CPEB3: variants seen among roughly 807,000 people sequenced by gnomAD.
CPEB3 encodes the protein cytoplasmic polyadenylation element binding protein 3.
Under a neutral mutation model 67.2 loss-of-function variants are expected in CPEB3, and 20 were observed. The ratio of observed to expected loss-of-function variants is 0.30; its 90% CI spans 0.21 to 0.43. The LOEUF (loss-of-function observed/expected upper bound fraction) is 0.43, where lower values mean the gene tolerates loss of function less well. CPEB3 is among the 20% of genes least tolerant of loss of function. The probability of loss-of-function intolerance (pLI) is 1.00; values close to 1 mark genes in which losing one functional copy is unlikely to be tolerated. For missense variants in CPEB3, 746 were observed against 968.6 expected (o/e 0.77, Z 3.05); for synonymous variants, 376 against 393.1 (o/e 0.96, Z 0.51).
chr10:92,116,124 G>A (rs1195683408), intron 6 of CPEB3, among the ~76,000 whole-genome samples: 1 of 150,940 alleles, frequency 6.6e-6, no homozygotes, highest in Admixed American at 6.6e-5. Context: ...TATGTCCAAG[G>A]CATAAGGAAC....
intron 6 of CPEB3, among the ~76,000 whole-genome samples, chr10:92,116,793 C>A (rs1378718113): frequency 5.3e-5 from 8 of 152,164 alleles, no homozygotes; most frequent in African/African-American, 1.9e-4. Context: ...GTCACCAACA[C>A]AACCCTGAGT....
chr10:92,144,343 C>A (rs777903703), intron 5 of CPEB3, among the ~76,000 whole-genome samples: 1 of 152,240 alleles, frequency 6.6e-6, no homozygotes, highest in African/African-American at 2.4e-5. Context: ...ATGATCATAG[C>A]TCACTGTAAC....
chr10:92,203,694 T>C (rs1211532019), intron 2 of CPEB3, among the ~76,000 whole-genome samples: 2 of 151,894 alleles, frequency 1.3e-5, no homozygotes, highest in African/African-American at 2.4e-5. Flanking sequence ...AGTGCTGGGA[T>C]TGCAGACATG....
chr10:92,154,303 G>A (rs1847103518), intron 4 of CPEB3, among the ~76,000 whole-genome samples: 1 of 152,086 alleles, frequency 6.6e-6, no homozygotes, highest in African/African-American at 2.4e-5. Context: ...TTTGTCTACT[G>A]GAACAAATTC....
At chr10:92,080,530 AGAG>A (rs1416409464) in intron 9 of CPEB3, among the ~76,000 whole-genome samples, 1 of 152,172 alleles carries the variant, frequency 6.6e-6, no homozygotes, top group Non-Finnish European at 1.5e-5. Flanking sequence ...AATGAGTTGA[AGAG>A]GAGACTGAAG....
intron 4 of CPEB3, among the ~76,000 whole-genome samples, chr10:92,158,522 C>A (rs1847313956): frequency 6.6e-6 from 1 of 152,192 alleles, no homozygotes; most frequent in South Asian, 2.1e-4. Context: ...CCCCCAAACA[C>A]ACACACACTC....
chr10:92,250,858 A>ATTTTTTTTTTTTTTT (rs1211646953), intron 1 of CPEB3, among the ~76,000 whole-genome samples: 10 of 104,122 alleles, frequency 9.6e-5, no homozygotes, highest in Non-Finnish European at 1.5e-4. Context: ...CACACAGTTA[A>ATTTTTTTTTTTTTTT]TTTTTTTTTT....
At chr10:92,247,452 C>T (rs1311371109) in intron 1 of CPEB3, among the ~76,000 whole-genome samples, 4 of 152,110 alleles carry the variant, frequency 2.6e-5, no homozygotes, top group Non-Finnish European at 5.9e-5. Flanking sequence ...GGCTGGAGTG[C>T]AGTGGCGCGA....
At chr10:92,066,031 G>A (rs1842534599) in intron 9 of CPEB3, among the ~76,000 whole-genome samples, 1 of 151,852 alleles carries the variant, frequency 6.6e-6, no homozygotes, top group Non-Finnish European at 1.5e-5. Flanking sequence ...TGGAAGGCAG[G>A]AGTTGCTGTG....
intron 4 of CPEB3, among the ~76,000 whole-genome samples, chr10:92,155,740 A>G (rs1038966893): frequency 5.3e-5 from 8 of 152,190 alleles, no homozygotes; most frequent in Non-Finnish European, 1.2e-4. Context: ...GACCAAGAGC[A>G]GGGACCAAGT....
intron 6 of CPEB3, among the ~76,000 whole-genome samples, chr10:92,139,947 C>T (rs1167546886): frequency 1.3e-5 from 2 of 151,892 alleles, no homozygotes; most frequent in Non-Finnish European, 2.9e-5. Context: ...GTGGCACAAG[C>T]CTGTAGTCCC....
At chr10:92,164,688 G>A (rs917934084) in intron 4 of CPEB3, among the ~76,000 whole-genome samples, 6 of 152,104 alleles carry the variant, frequency 3.9e-5, no homozygotes, top group Non-Finnish European at 7.3e-5. Context: ...CCATTCACCA[G>A]TCGGTAAACA....
At chr10:92,142,616 C>T (rs1333573636) in intron 6 of CPEB3, among the ~76,000 whole-genome samples, 1 of 152,196 alleles carries the variant, frequency 6.6e-6, no homozygotes, top group South Asian at 2.1e-4. Context: ...CAATGCCATT[C>T]TTTAGCCACT....
intron 1 of CPEB3, among the ~76,000 whole-genome samples, chr10:92,280,838 T>C (rs1227763984): frequency 6.9e-6 from 1 of 145,128 alleles, no homozygotes; most frequent in East Asian, 2.8e-4. Flanking sequence ...CAGCTCACTG[T>C]AACCCCCGCC....
intron 3 of CPEB3, among the ~76,000 whole-genome samples, chr10:92,182,583 TG>T (rs1848505648): frequency 6.6e-6 from 1 of 152,124 alleles, no homozygotes; most frequent in African/African-American, 2.4e-5. Flanking sequence ...CCCAGCACTT[TG>T]GGAAGCCGAG....
chr10:92,270,900 G>C (rs549166071), intron 1 of CPEB3, among the ~76,000 whole-genome samples: 2 of 152,244 alleles, frequency 1.3e-5, no homozygotes, highest in East Asian at 1.9e-4. Flanking sequence ...CTTTTGGCCA[G>C]GCATGATGGT....
At chr10:92,168,631 A>T (rs948094394) in intron 4 of CPEB3, among the ~76,000 whole-genome samples, 1 of 151,814 alleles carries the variant, frequency 6.6e-6, no homozygotes, top group African/African-American at 2.4e-5. Context: ...TTCTCACGAG[A>T]TCTGATGGTT....
intron 1 of CPEB3, among the ~76,000 whole-genome samples, chr10:92,253,480 A>G (rs375423688): frequency 4.6e-4 from 69 of 150,242 alleles, no homozygotes; most frequent in Non-Finnish European, 6.2e-4. Context: ...AAAAAAAAAA[A>G]AAAAGAAAAG....
chr10:92,216,661 T>C, intron 2 of CPEB3: 1 of 1,607,104 alleles, frequency 6.2e-7, no homozygotes, highest in African/African-American at 1.3e-5. Context: ...ATATCCCCTC[T>C]AAGACGGACC....
Sources: gnomAD v4.1 joint callset for allele counts (sites outside exome capture counted in the v4.1 genomes callset) on GRCh38, gnomAD v4.1.1 for gene constraint, MANE v1.5 for transcripts, NCBI Gene and HGNC (gene_info 2026-07-23, HGNC 2026-07-21) for gene names.